The following CSMD1 variants were observed in gnomAD, a reference collection of about 807,000 sequenced individuals.
CSMD1 encodes the protein CUB and sushi domain-containing protein 1.
CSMD1 carries 213 observed loss-of-function variants against 417.5 expected under a neutral mutation model. That is an observed-to-expected ratio of 0.51 (90% CI 0.46 to 0.57). The LOEUF (loss-of-function observed/expected upper bound fraction) is 0.57. Ranked by LOEUF, CSMD1 falls within the 20% of genes least tolerant of loss-of-function variation. The pLI is 0.00. For missense variants in CSMD1, 6,923 were observed against 4,529.7 expected (o/e 1.53, Z -15.17); for synonymous variants, 2,862 against 1,736.8 (o/e 1.65, Z -16.11).
At position 4,433,388 on chromosome 8, in the gene CSMD1, C is replaced by T. The variant is rs142873864; in HGVS notation, c.303-13323G>A. 7.2e-5 allele frequency among the ~76,000 whole-genome samples: 11 copies of T among 152,196 alleles called. No homozygotes were observed. In the East Asian group the frequency reaches 2.1e-3, roughly 29 times the overall value. ...TAATATCATGGACATGACATCATTA[C>T]ATAAATTTCTACTAAAAGAATCAAC... On this transcript the variant is annotated intron_variant, in intron 2 of 69. Transcript: ENST00000635120.
At chr8:4,028,455 A>C (rs1224637076) in intron 4 of CSMD1, among the ~76,000 whole-genome samples, 1 of 152,156 alleles carries the variant, frequency 6.6e-6, no homozygotes, top group Non-Finnish European at 1.5e-5. Context: ...GCCATTATGA[A>C]TACAATAAAC....
chr8:3,459,333 C>T (rs950496968), intron 12 of CSMD1, among the ~76,000 whole-genome samples: 1 of 152,146 alleles, frequency 6.6e-6, no homozygotes, highest in African/African-American at 2.4e-5. Flanking sequence ...ACGTGGGGCA[C>T]AGGGTACACA....
chr8:3,633,009 C>T (rs1429315349), intron 7 of CSMD1, among the ~76,000 whole-genome samples: 1 of 152,200 alleles, frequency 6.6e-6, no homozygotes, highest in African/African-American at 2.4e-5. Flanking sequence ...AGATATGTTT[C>T]CTCAGTGAGT....
intron 27 of CSMD1, among the ~76,000 whole-genome samples, chr8:3,224,397 T>C (rs955341001): frequency 4.6e-5 from 7 of 152,224 alleles, no homozygotes; most frequent in Admixed American, 2.6e-4. Flanking sequence ...CTAGGCGGTT[T>C]CTGGATCTGA....
intron 1 of CSMD1, among the ~76,000 whole-genome samples, chr8:4,978,978 G>T (rs1810723186): frequency 6.6e-6 from 1 of 152,132 alleles, no homozygotes. Context: ...AATAACTCTG[G>T]AGAAAGTAGT....
At chr8:4,950,887 G>T (rs868481373) in intron 1 of CSMD1, among the ~76,000 whole-genome samples, 1 of 151,666 alleles carries the variant, frequency 6.6e-6, no homozygotes, top group Admixed American at 6.6e-5. Flanking sequence ...GTACCAGGGT[G>T]GCAAACAAAT....
intron 1 of CSMD1, among the ~76,000 whole-genome samples, chr8:4,903,502 G>A (rs1278774679): frequency 1.3e-5 from 2 of 152,054 alleles, no homozygotes; most frequent in Admixed American, 1.3e-4. Context: ...TATGAGCTAT[G>A]TTGTTTAAAA....
chr8:3,311,498 C>T (rs1307502560), intron 23 of CSMD1, among the ~76,000 whole-genome samples: 2 of 147,086 alleles, frequency 1.4e-5, no homozygotes, highest in African/African-American at 5.4e-5. Flanking sequence ...GATTTGCTTG[C>T]CTCGGTCTCC....
At chr8:3,646,435 C>T (rs1400630920) in intron 7 of CSMD1, among the ~76,000 whole-genome samples, 3 of 152,020 alleles carry the variant, frequency 2.0e-5, no homozygotes, top group Non-Finnish European at 4.4e-5. Flanking sequence ...AAATTAAGAA[C>T]CTTGTTTGTA....
chr8:4,189,564 T>C (rs1317056238), intron 3 of CSMD1, among the ~76,000 whole-genome samples: 1 of 152,172 alleles, frequency 6.6e-6, no homozygotes, highest in Non-Finnish European at 1.5e-5. Flanking sequence ...CCCTCCAAAA[T>C]GTTGATATAT....
intron 37 of CSMD1, among the ~76,000 whole-genome samples, chr8:3,164,928 C>A (rs912390992): frequency 7.3e-5 from 11 of 151,616 alleles, no homozygotes; most frequent in Non-Finnish European, 1.0e-4. Context: ...TCATTTTCTC[C>A]TTTCTTGAAT....
At chr8:4,881,783 CA>C (rs1282638824) in intron 1 of CSMD1, among the ~76,000 whole-genome samples, 2 of 151,942 alleles carry the variant, frequency 1.3e-5, no homozygotes, top group Non-Finnish European at 2.9e-5. Context: ...GCATTTTATT[CA>C]CAAACTGCAT....
intron 1 of CSMD1, chr8:4,787,270 C>G (rs960065571): frequency 1.7e-6 from 1 of 605,170 alleles, no homozygotes; most frequent in Non-Finnish European, 3.0e-6. Flanking sequence ...CTGATCACCC[C>G]TCTTTTCTAG....
intron 3 of CSMD1, among the ~76,000 whole-genome samples, chr8:4,358,324 A>G (rs2128905879): frequency 6.6e-6 from 1 of 152,288 alleles, no homozygotes; most frequent in Middle Eastern, 3.4e-3. Flanking sequence ...ACAGCTGCCT[A>G]GTTTTGTAAG....
chr8:3,948,653 T>C (rs1268615525), intron 5 of CSMD1, among the ~76,000 whole-genome samples: 1 of 152,144 alleles, frequency 6.6e-6, no homozygotes, highest in Non-Finnish European at 1.5e-5. Flanking sequence ...AGTACAACTT[T>C]CCTAAAGAAA....
intron 25 of CSMD1, 115 bp downstream of exon 25, chr8:3,307,580 T>C: frequency 8.2e-7 from 1 of 1,226,008 alleles, no homozygotes; most frequent in Non-Finnish European, 1.1e-6. Flanking sequence ...CTTTACCTTT[T>C]CTTCTTTAGT....
At position 4,994,546 on chromosome 8, in the gene CSMD1, G is replaced by T. The variant is rs1016517592; in HGVS notation, c.-130C>A. Reference sequence around the variant, plus strand: ...AGAGCCCGGTCCCAAGACCCGCCGCGCATCCGACGCCTCCTGAAGGTCTGG... The same window carrying T: ...AGAGCCCGGTCCCAAGACCCGCCGCTCATCCGACGCCTCCTGAAGGTCTGG... On this transcript the variant is annotated 5_prime_UTR_variant, in exon 1 of 70. Transcript: ENST00000635120. 6 of 786,682 alleles carry T rather than the reference G, an allele frequency of 7.6e-6. No homozygotes were observed. Among genetic ancestry groups the T allele is most frequent in the Admixed American group, 6.6e-5 (3 of 45,550 alleles). 48.7% of individuals were successfully genotyped at this position (786,682 alleles called of 1,614,324 possible). A position where few individuals can be genotyped will look rare whatever the true frequency, so the allele number is the denominator to read the frequency against.
intron 3 of CSMD1, among the ~76,000 whole-genome samples, chr8:4,354,475 G>A (rs1017154178): frequency 1.3e-5 from 2 of 152,048 alleles, no homozygotes; most frequent in African/African-American, 4.8e-5. Context: ...ATAATACATG[G>A]GGTGGAATGT....
intron 5 of CSMD1, among the ~76,000 whole-genome samples, chr8:3,788,526 C>T (rs2623673): frequency 6.6e-6 from 1 of 151,950 alleles, no homozygotes; most frequent in Admixed American, 6.6e-5. Context: ...TTCATCTCAC[C>T]TCAGATATTT....
Sources: allele counts gnomAD v4.1 joint callset (sites outside exome capture counted in the v4.1 genomes callset), GRCh38; gene constraint gnomAD v4.1.1; transcripts MANE v1.5; gene names NCBI Gene and HGNC (gene_info 2026-07-23, HGNC 2026-07-21).